The following BIN3 variants were observed in gnomAD, a reference collection of about 807,000 sequenced individuals.
BIN3 encodes the protein bridging integrator 3.
BIN3 carries 41 observed loss-of-function variants against 38.2 expected under a neutral mutation model. The ratio of observed to expected loss-of-function variants is 1.07; its 90% confidence interval spans 0.84 to 1.39. BIN3 has a LOEUF of 1.39. Ranked by LOEUF, BIN3 falls within the 40% of genes most tolerant of loss-of-function variation. The pLI is 0.00. For missense variants in BIN3, 361 were observed against 324.3 expected, an observed-to-expected ratio of 1.11 and a Z score of -0.87; for synonymous variants, 145 against 122.6, an observed-to-expected ratio of 1.18 and a Z score of -1.21.
At chr8:22,656,202 T>TA (rs1319309359) in intron 1 of BIN3, among the ~76,000 whole-genome samples, 1 of 149,176 alleles carries the variant, frequency 6.7e-6, no homozygotes, top group Non-Finnish European at 1.5e-5. Context: ...TCAAGCCTTT[T>TA]TATCTCCCTT....
chr8:22,632,147 T>C (rs1434391087), intron 4 of BIN3, among the ~76,000 whole-genome samples: 2 of 152,258 alleles, frequency 1.3e-5, no homozygotes, highest in East Asian at 1.9e-4. Context: ...ACACTTTCAG[T>C]ACTTTGATTT....
intron 1 of BIN3, among the ~76,000 whole-genome samples, chr8:22,668,007 C>G (rs950273508): frequency 6.6e-6 from 1 of 152,214 alleles, no homozygotes; most frequent in Non-Finnish European, 1.5e-5. Flanking sequence ...ACACTAGCCT[C>G]TGAGGACAGA....
chr8:22,628,148 G>C (rs1163338486), intron 6 of BIN3, among the ~76,000 whole-genome samples: 1 of 152,252 alleles, frequency 6.6e-6, no homozygotes, highest in Admixed American at 6.5e-5. Flanking sequence ...GCCTTGGTCT[G>C]TGCCCACGCA....
intron 8 of BIN3, 91 bp from the exon 9 acceptor site, chr8:22,621,659 G>A (rs769495441): frequency 3.6e-5 from 48 of 1,333,726 alleles, no homozygotes; most frequent in Non-Finnish European, 4.7e-5. Flanking sequence ...GCTACCCCCT[G>A]CCCTTACCCA....
At position 22,668,903 on chromosome 8, in the gene BIN3, T is replaced by G. The variant is rs1020138189; in HGVS notation, c.8+141A>C. ...CCGGAAAGCACCGAGGGAACGACCCTAGGGCAGGGGCTGTCGGGCCTTGCT... is the reference window on the plus strand; with the variant it reads ...CCGGAAAGCACCGAGGGAACGACCCGAGGGCAGGGGCTGTCGGGCCTTGCT... On this transcript the variant is annotated intron_variant, in intron 1 of 8. Coordinates refer to ENST00000276416, the MANE Select transcript of BIN3 (RefSeq NM_018688.6). The G allele has an allele frequency of 2.7e-6, 3 of 1,103,532 alleles. No individual in the cohort carries two copies. In the East Asian group the frequency reaches 7.8e-5, roughly 29 times the overall value. The allele number at this position is 1,103,532 out of a possible 1,614,324, so 68.4% of individuals were successfully genotyped here. A position where few individuals can be genotyped will look rare whatever the true frequency, so the allele number is the denominator to read the frequency against.
intron 1 of BIN3, among the ~76,000 whole-genome samples, chr8:22,648,393 G>A (rs1003382560): frequency 6.6e-6 from 1 of 151,828 alleles, no homozygotes. Flanking sequence ...GGCTCCGCTT[G>A]GCTGTGACAG....
chr8:22,625,105 T>C (rs1801962901), intron 6 of BIN3: 1 of 475,010 alleles, frequency 2.1e-6, no homozygotes, highest in Non-Finnish European at 3.7e-6. Flanking sequence ...ACCTCCACTG[T>C]GACTAGAAGG....
chr8:22,632,582 T>C (rs1802240928), intron 4 of BIN3, among the ~76,000 whole-genome samples: 2 of 152,134 alleles, frequency 1.3e-5, no homozygotes, highest in Non-Finnish European at 2.9e-5. Context: ...AATAAAAAGA[T>C]AATAAAATTC....
At chr8:22,634,565 T>TG (rs1802308583) in intron 4 of BIN3, 1 of 431,866 alleles carries the variant, frequency 2.3e-6, no homozygotes, top group African/African-American at 2.3e-5. Context: ...ACTGCCTCTA[T>TG]TGGGACATTT....
intron 1 of BIN3, among the ~76,000 whole-genome samples, chr8:22,658,076 T>C (rs1203037512): frequency 6.6e-6 from 1 of 152,244 alleles, no homozygotes; most frequent in Non-Finnish European, 1.5e-5. Flanking sequence ...AGAGCGTCTC[T>C]GAGTTCTGGA....
chr8:22,635,232 T>C (rs571552777), intron 4 of BIN3, among the ~76,000 whole-genome samples: 3 of 152,248 alleles, frequency 2.0e-5, no homozygotes, highest in African/African-American at 2.4e-5. Context: ...TCCACCTCCT[T>C]ATTTTTATTG....
intron 1 of BIN3, among the ~76,000 whole-genome samples, chr8:22,667,102 A>C (rs1803446812): frequency 6.6e-6 from 1 of 152,194 alleles, no homozygotes; most frequent in Non-Finnish European, 1.5e-5. Context: ...AAGCCCTTTA[A>C]GGGGGAAGAG....
chr8:22,630,751 G>A (rs1802167794), intron 4 of BIN3, among the ~76,000 whole-genome samples, 173 bp from the exon 5 acceptor site: 1 of 152,162 alleles, frequency 6.6e-6, no homozygotes, highest in Non-Finnish European at 1.5e-5. Flanking sequence ...GATCCCCATG[G>A]TTTAATGTTC....
At chr8:22,622,355 T>G (rs568443709) in intron 8 of BIN3, among the ~76,000 whole-genome samples, 1 of 152,302 alleles carries the variant, frequency 6.6e-6, no homozygotes, top group Admixed American at 6.5e-5. Flanking sequence ...AAGGGGACCT[T>G]GTGGGAAATG....
intron 8 of BIN3, among the ~76,000 whole-genome samples, chr8:22,622,097 G>T (rs1053289605): frequency 3.3e-5 from 5 of 152,346 alleles, no homozygotes; most frequent in Admixed American, 2.0e-4. Flanking sequence ...CAGAGGCCAG[G>T]TTCACTGCCA....
chr8:22,664,845 T>G (rs1462425322), intron 1 of BIN3, among the ~76,000 whole-genome samples: 1 of 152,212 alleles, frequency 6.6e-6, no homozygotes, highest in South Asian at 2.1e-4. Context: ...TCTACACATG[T>G]GAGACAGCAA....
intron 8 of BIN3, 72 bp downstream of exon 8, chr8:22,623,843 C>G: frequency 6.5e-7 from 1 of 1,530,922 alleles, no homozygotes; most frequent in Non-Finnish European, 8.8e-7. Flanking sequence ...AGCCACCCTT[C>G]CAGTGTGGGT....
intron 2 of BIN3, among the ~76,000 whole-genome samples, chr8:22,641,184 C>T (rs1457985722): frequency 6.6e-6 from 1 of 152,104 alleles, no homozygotes; most frequent in Non-Finnish European, 1.5e-5. Context: ...AATTGGACCC[C>T]AGTCAACAAT....
intron 6 of BIN3, chr8:22,625,629 C>T (rs542814955): frequency 1.3e-5 from 7 of 557,110 alleles, no homozygotes; most frequent in South Asian, 2.0e-5. Flanking sequence ...GCTCTCTCAC[C>T]CAGGCTGGAG....
Sources: gnomAD v4.1 joint callset for allele counts (sites outside exome capture counted in the v4.1 genomes callset) on GRCh38, gnomAD v4.1.1 for gene constraint, MANE v1.5 for transcripts, NCBI Gene and HGNC (gene_info 2026-07-23, HGNC 2026-07-21) for gene names.